Variants in LHFPL3 observed in about 807,000 individuals in gnomAD.
The protein encoded by LHFPL3 is LHFPL tetraspan subfamily member 3 protein.
In LHFPL3, 5 loss-of-function variants were observed where a neutral mutation model predicts 19.3. The observed-to-expected ratio is 0.26, with a 90% CI of 0.14 to 0.54. LHFPL3 has a LOEUF of 0.54. LHFPL3 is among the 20% of genes least tolerant of loss of function. The pLI is 0.94. For missense variants in LHFPL3, 249 were observed against 307.4 expected, an observed-to-expected ratio of 0.81 and a Z score of 1.42; for synonymous variants, 133 against 126.2, an observed-to-expected ratio of 1.05 and a Z score of -0.36.
chr7:104,625,484 G>T (rs1005988419), intron 1 of LHFPL3, among the ~76,000 whole-genome samples: 2 of 152,148 alleles, frequency 1.3e-5, no homozygotes, highest in African/African-American at 4.8e-5. Flanking sequence ...CACACCAGCA[G>T]GGAGAAAAGT....
chr7:104,398,901 T>C (rs1231159161), intron 1 of LHFPL3, among the ~76,000 whole-genome samples: 2 of 152,168 alleles, frequency 1.3e-5, no homozygotes, highest in Non-Finnish European at 2.9e-5. Context: ...ACAACTCCTA[T>C]CATGCTGTTT....
chr7:104,576,912 C>G (rs67623980), intron 1 of LHFPL3, among the ~76,000 whole-genome samples: 2 of 152,168 alleles, frequency 1.3e-5, no homozygotes, highest in African/African-American at 4.8e-5. Flanking sequence ...CAGTCTCTCA[C>G]TGGGTCCTTG....
At chr7:104,669,396 C>T in intron 1 of LHFPL3, 2 of 1,613,716 alleles carry the variant, frequency 1.2e-6, no homozygotes, top group South Asian at 2.2e-5. Context: ...ACTGAGGGAA[C>T]AGAGACCACT....
intron 1 of LHFPL3, among the ~76,000 whole-genome samples, chr7:104,647,288 T>C (rs1791951835): frequency 6.6e-6 from 1 of 152,170 alleles, no homozygotes; most frequent in African/African-American, 2.4e-5. Context: ...CCAAATAAAC[T>C]AATCTGACCT....
At chr7:104,739,168 A>C (rs1353925244) in intron 2 of LHFPL3, among the ~76,000 whole-genome samples, 1 of 152,216 alleles carries the variant, frequency 6.6e-6, no homozygotes, top group Non-Finnish European at 1.5e-5. Context: ...ATACAAAATC[A>C]GACCAGGATT....
intron 2 of LHFPL3, among the ~76,000 whole-genome samples, chr7:104,859,603 A>T (rs1791575683): frequency 6.6e-6 from 1 of 152,090 alleles, no homozygotes; most frequent in Non-Finnish European, 1.5e-5. Flanking sequence ...CGGAAGGCGG[A>T]GGTTTCGGTG....
intron 2 of LHFPL3, among the ~76,000 whole-genome samples, chr7:104,830,473 A>G (rs1454620909): frequency 1.3e-5 from 2 of 151,892 alleles, no homozygotes; most frequent in African/African-American, 4.9e-5. Context: ...TAGGTCTAAC[A>G]TGTAAGTCTT....
At chr7:104,354,654 TGTTA>T (rs1210500282) in intron 1 of LHFPL3, among the ~76,000 whole-genome samples, 5 of 152,226 alleles carry the variant, frequency 3.3e-5, no homozygotes, top group South Asian at 4.1e-4. Context: ...TTCATATGCT[TGTTA>T]GTTGAACTTT....
intron 1 of LHFPL3, among the ~76,000 whole-genome samples, chr7:104,480,532 G>A (rs573131037): frequency 6.6e-6 from 1 of 152,150 alleles, no homozygotes; most frequent in Admixed American, 6.5e-5. Context: ...AATATTTCAG[G>A]GACATGTAAT....
rs150259038 is a variant in LHFPL3 at position 104,589,515 on chromosome 7, G to A, written c.446-147160G>A. ...GATGTGCTGCTGGATTCAGTTTGCC[G>A]GTATTTTTTTTAGGATTTTTGCATT... is the stretch of plus-strand genomic sequence containing the variant. On this transcript the variant is annotated intron_variant, in intron 1 of 2. Transcript: ENST00000424859. Among the ~76,000 whole-genome samples the A allele has an allele frequency of 4.2e-3, 639 of 152,110 alleles. 35 individuals are homozygous for A. The East Asian group carries it at 0.1, about 24-fold the overall frequency.
chr7:104,553,070 A>AT (rs1017797020), intron 1 of LHFPL3, among the ~76,000 whole-genome samples: 1 of 152,248 alleles, frequency 6.6e-6, no homozygotes, highest in South Asian at 2.1e-4. Flanking sequence ...TATGATTATG[A>AT]TTTTTTTATT....
At chr7:104,514,072 C>T (rs1366460201) in intron 1 of LHFPL3, among the ~76,000 whole-genome samples, 1 of 152,152 alleles carries the variant, frequency 6.6e-6, no homozygotes, top group Non-Finnish European at 1.5e-5. Context: ...TATTAGCTCT[C>T]TTAACATTTC....
chr7:104,354,804 A>C (rs1790243385), intron 1 of LHFPL3, among the ~76,000 whole-genome samples: 2 of 152,210 alleles, frequency 1.3e-5, no homozygotes, highest in East Asian at 3.9e-4. Flanking sequence ...TAGTAGGCAC[A>C]TTATAAAAAG....
At chr7:104,343,295 A>T (rs904779778) in intron 1 of LHFPL3, among the ~76,000 whole-genome samples, 2 of 151,926 alleles carry the variant, frequency 1.3e-5, no homozygotes, top group African/African-American at 4.8e-5. Flanking sequence ...AGGGCGGATC[A>T]TGAGGTCAGG....
At chr7:104,467,207 G>A (rs1018532195) in intron 1 of LHFPL3, among the ~76,000 whole-genome samples, 20 of 152,134 alleles carry the variant, frequency 1.3e-4, no homozygotes, top group Non-Finnish European at 1.9e-4. Context: ...TGTAAAAAAT[G>A]GGAGCGGGGC....
At chr7:104,572,893 C>G (rs975747520) in intron 1 of LHFPL3, among the ~76,000 whole-genome samples, 2 of 152,200 alleles carry the variant, frequency 1.3e-5, no homozygotes, top group African/African-American at 4.8e-5. Context: ...AAACACCTCT[C>G]TAACATTAAC....
intron 1 of LHFPL3, among the ~76,000 whole-genome samples, chr7:104,333,460 C>G (rs1233723006): frequency 3.9e-5 from 6 of 152,056 alleles, no homozygotes; most frequent in African/African-American, 1.4e-4. Flanking sequence ...CCCCAGATTC[C>G]TCATCTGTAT....
intron 2 of LHFPL3, among the ~76,000 whole-genome samples, chr7:104,837,793 G>C (rs1288466145): frequency 6.6e-6 from 1 of 152,038 alleles, no homozygotes; most frequent in Non-Finnish European, 1.5e-5. Context: ...GCCCACACAG[G>C]AATTTAGCTG....
intron 1 of LHFPL3, among the ~76,000 whole-genome samples, chr7:104,617,643 T>C (rs1463873340): frequency 6.6e-6 from 1 of 152,224 alleles, no homozygotes; most frequent in Admixed American, 6.5e-5. Context: ...AGACACATAG[T>C]TGTCAACAAA....
Sources: gnomAD v4.1 joint callset for allele counts (sites outside exome capture counted in the v4.1 genomes callset) on GRCh38, gnomAD v4.1.1 for gene constraint, MANE v1.5 for transcripts, NCBI Gene and HGNC (gene_info 2026-07-23, HGNC 2026-07-21) for gene names.